Variants in RBM20 observed in about 807,000 individuals in gnomAD.
RBM20 encodes RNA-binding protein 20.
RBM20 carries 51 observed loss-of-function variants against 110.1 expected under a neutral mutation model. That is an observed-to-expected ratio of 0.46 (90% confidence interval 0.37 to 0.59). The LOEUF (loss-of-function observed/expected upper bound fraction) is 0.59. Ranked by LOEUF, RBM20 falls within the 20% of genes least tolerant of loss-of-function variation. The probability of loss-of-function intolerance (pLI) is 0.00; values close to 1 mark genes in which losing one functional copy is unlikely to be tolerated. For synonymous variants in RBM20, 589 were observed against 618.2 expected, an observed-to-expected ratio of 0.95 and a Z score of 0.70; for missense variants, 1,512 against 1,574.9, an observed-to-expected ratio of 0.96 and a Z score of 0.68.
intron 9 of RBM20, among the ~76,000 whole-genome samples, chr10:110,818,931 C>T (rs1844875596): frequency 6.6e-6 from 1 of 152,234 alleles, no homozygotes; most frequent in African/African-American, 2.4e-5. Context: ...GTGGAATCTT[C>T]CACAGCAAAC....
intron 1 of RBM20, among the ~76,000 whole-genome samples, chr10:110,771,301 T>C (rs1844185740): frequency 6.6e-6 from 1 of 151,746 alleles, no homozygotes; most frequent in South Asian, 2.1e-4. Context: ...AATTTTTGTA[T>C]TTTTTTTAGT....
intron 7 of RBM20, 32 bp from the exon 8 acceptor site, chr10:110,810,351 T>G: frequency 4.0e-6 from 6 of 1,518,370 alleles, no homozygotes; most frequent in South Asian, 1.2e-5. Flanking sequence ...AGGCCATCTC[T>G]GATCTGATGG....
At chr10:110,652,126 G>C (rs993433508) in intron 1 of RBM20, among the ~76,000 whole-genome samples, 1 of 152,182 alleles carries the variant, frequency 6.6e-6, no homozygotes, top group African/African-American at 2.4e-5. Flanking sequence ...ATAAGGTCAT[G>C]TACTACTCAG....
In RBM20 at chr10:110,821,669, TCTCC is replaced by T. The variant is rs770955344; in HGVS notation, c.3053_3056del (p.Ser1018TrpfsTer85). On this transcript the variant is annotated frameshift_variant, in exon 11 of 14. Transcript: ENST00000369519. LOFTEE classifies it high-confidence loss of function. ...AAGCCAGCTGAAAGTGAGACAGGCCTCTCCCTGGAGGATTCAGATTGCTACGAGA... is the reference window on the plus strand; with the variant it reads ...AAGCCAGCTGAAAGTGAGACAGGCCTCTGGAGGATTCAGATTGCTACGAGA... The T allele has an allele frequency of 1.3e-5, 20 of 1,551,656 alleles. No individual in the cohort carries two copies. The highest frequency in any genetic ancestry group is 1.7e-5 in the Non-Finnish European group (20 of 1,147,030).
At chr10:110,807,391 A>C (rs1349591338) in intron 7 of RBM20, among the ~76,000 whole-genome samples, 1 of 152,032 alleles carries the variant, frequency 6.6e-6, no homozygotes. Context: ...CTCTAACTGC[A>C]CCTCTTTGAC....
chr10:110,832,809 C>T (rs1031514804), intron 13 of RBM20, among the ~76,000 whole-genome samples: 3 of 152,150 alleles, frequency 2.0e-5, no homozygotes, highest in South Asian at 2.1e-4. Context: ...CTCTGATTTC[C>T]CTCCGGAGAG....
chr10:110,684,907 A>T (rs1300363248), intron 1 of RBM20, among the ~76,000 whole-genome samples: 1 of 152,224 alleles, frequency 6.6e-6, no homozygotes, highest in East Asian at 1.9e-4. Flanking sequence ...ACGCACACAC[A>T]AAATGTGAAG....
chr10:110,740,582 T>G (rs2419580), intron 1 of RBM20, among the ~76,000 whole-genome samples: 125,151 of 151,936 alleles, frequency 0.82, 52,355 homozygotes, highest in African/African-American at 0.95. Flanking sequence ...TCTCCTTCCC[T>G]TCCCCCATGT....
intron 1 of RBM20, among the ~76,000 whole-genome samples, chr10:110,726,943 T>G (rs2134942611): frequency 6.6e-6 from 1 of 152,108 alleles, no homozygotes; most frequent in Non-Finnish European, 1.5e-5. Flanking sequence ...GGCTCATGGG[T>G]TCAAGCAATT....
chr10:110,769,531 A>G (rs540003099), intron 1 of RBM20, among the ~76,000 whole-genome samples: 11 of 152,212 alleles, frequency 7.2e-5, no homozygotes, highest in African/African-American at 2.6e-4. Flanking sequence ...CAGCAGCCCA[A>G]ATGTTCTGAA....
intron 2 of RBM20, among the ~76,000 whole-genome samples, chr10:110,782,853 C>T (rs1279734676): frequency 2.6e-5 from 4 of 152,206 alleles, no homozygotes; most frequent in Admixed American, 2.6e-4. Flanking sequence ...CCAAGTGCAT[C>T]CCTGTGACCC....
chr10:110,787,079 C>T (rs138238816), intron 5 of RBM20, among the ~76,000 whole-genome samples: 252 of 152,376 alleles, frequency 1.7e-3, no homozygotes, highest in Middle Eastern at 0.014. Context: ...TTGGGAGCCA[C>T]TTGCTGTGTG....
chr10:110,644,059 T>C (rs1020086696), upstream of RBM20, among the ~76,000 whole-genome samples: 20 of 152,268 alleles, frequency 1.3e-4, no homozygotes, highest in African/African-American at 4.6e-4. This position sits in a 1 kb window ranked among gnomAD's most constrained non-coding sequence, Gnocchi z 4.3. Flanking sequence ...TCACGCGGTA[T>C]GCTGCGCCGT....
intron 1 of RBM20, among the ~76,000 whole-genome samples, chr10:110,687,026 G>A (rs961496791): frequency 4.1e-5 from 6 of 147,712 alleles, no homozygotes; most frequent in East Asian, 2.0e-4. Context: ...GTAACAGAGC[G>A]AGACTGTCTC....
intron 3 of RBM20, among the ~76,000 whole-genome samples, chr10:110,784,122 A>G (rs1317369293): frequency 6.6e-6 from 1 of 152,192 alleles, no homozygotes; most frequent in Non-Finnish European, 1.5e-5. Context: ...TATATATCAC[A>G]TTCTTGTTTA....
At chr10:110,727,494 G>T (rs549341270) in intron 1 of RBM20, among the ~76,000 whole-genome samples, 1 of 151,388 alleles carries the variant, frequency 6.6e-6, no homozygotes, top group South Asian at 2.1e-4. Context: ...TTTGTATGTA[G>T]TTGGGTTGAC....
chr10:110,793,082 A>T (rs1042099804), intron 5 of RBM20, among the ~76,000 whole-genome samples: 1 of 152,158 alleles, frequency 6.6e-6, no homozygotes, highest in Non-Finnish European at 1.5e-5. Context: ...TATTTTTTAC[A>T]TCCGGAAAGG....
intron 1 of RBM20, among the ~76,000 whole-genome samples, chr10:110,738,620 G>A (rs557643749): frequency 3.9e-4 from 59 of 152,266 alleles, no homozygotes; most frequent in Middle Eastern, 6.8e-3. Context: ...GATCTGGGCT[G>A]GGGGAGAGGG....
intron 1 of RBM20, among the ~76,000 whole-genome samples, chr10:110,767,317 C>T (rs1234345543): frequency 8.6e-5 from 12 of 139,704 alleles, no homozygotes; most frequent in African/African-American, 3.0e-4. Context: ...ACCTCCCGGA[C>T]GGGGCGGCTA....
Sources: gnomAD v4.1 joint callset for allele counts (sites outside exome capture counted in the v4.1 genomes callset) on GRCh38, gnomAD v4.1.1 for gene constraint, Gnocchi (gnomAD v3.1) non-coding constraint, MANE v1.5 for transcripts, NCBI Gene and HGNC (gene_info 2026-07-23, HGNC 2026-07-21) for gene names.